Variants in USP13 observed in about 807,000 individuals in gnomAD.
USP13 encodes the protein ubiquitin specific peptidase 13, also known as ubiquitin carboxyl-terminal hydrolase 13.
Under a neutral mutation model 107.8 loss-of-function variants are expected in USP13, and 68 were observed. That is an observed-to-expected ratio of 0.63 (90% CI 0.52 to 0.77). USP13 has a LOEUF of 0.77. Among genes scored for constraint, USP13 ranks in the 30% least tolerant of loss-of-function variants. The probability of loss-of-function intolerance (pLI) is 0.00; values close to 1 mark genes in which losing one functional copy is unlikely to be tolerated. For missense variants in USP13, 945 were observed against 1,093.3 expected, an observed-to-expected ratio of 0.86 and a Z score of 1.91; for synonymous variants, 377 against 389.5, an observed-to-expected ratio of 0.97 and a Z score of 0.38.
rs755134477 is a variant in USP13, at chr3:179,690,254, C to T, written c.308C>T (p.Ala103Val). The T allele has an allele frequency of 1.1e-5, 18 of 1,613,436 alleles. No individual in the cohort carries two copies. Among genetic ancestry groups the T allele is most frequent in the Non-Finnish European group, 1.4e-5 (17 of 1,179,698 alleles). The change falls in exon 3 of 21, where the codon GCG (alanine) becomes GTG (valine). Residue 103 changes from alanine (A) to valine (V), a missense_variant. Physicochemically the swap from Ala to Val is moderately conservative, Grantham distance 64. Coordinates refer to ENST00000263966, the MANE Select transcript of USP13 (RefSeq NM_003940.3). ...TTTTCTTTTCAGAAGGTAAGAGGGG[C>T]GTCTGGTGGAGCGTTACCAAAAAGG... ...KRHVREKVRG[A>V]SGGALPKRRN...
At chr3:179,776,970 A>C (rs1453059754) in intron 19 of USP13, among the ~76,000 whole-genome samples, 1 of 151,346 alleles carries the variant, frequency 6.6e-6, no homozygotes, top group African/African-American at 2.4e-5. Context: ...TTGGAGACAA[A>C]TATAAATTGA....
At position 179,784,237 on chromosome 3, in the gene USP13, A is replaced by T. The variant is rs879534950; in HGVS notation, c.*96A>T. On this transcript the variant is annotated 3_prime_UTR_variant, in exon 21 of 21. Coordinates refer to ENST00000263966, the MANE Select transcript of USP13 (RefSeq NM_003940.3). ...AAGAAGTTGAAACAACTAGACATGA[A>T]GGAATATATGGGGTATTTATCGTTT... is the stretch of plus-strand genomic sequence containing the variant. 12 of 945,100 alleles carry T rather than the reference A, an allele frequency of 1.3e-5. No individual in the cohort carries two copies. Among genetic ancestry groups the T allele is most frequent in the Non-Finnish European group, 2.0e-5 (12 of 611,514 alleles). 58.5% of individuals were successfully genotyped at this position (945,100 alleles called of 1,614,324 possible).
At chr3:179,780,819 T>G (rs1715720207) in intron 19 of USP13, among the ~76,000 whole-genome samples, 1 of 152,182 alleles carries the variant, frequency 6.6e-6, no homozygotes, top group African/African-American at 2.4e-5. Flanking sequence ...GAACCAATAC[T>G]TCTTTTGGAA....
rs1377713104 is a variant in USP13 at position 179,717,607 on chromosome 3, A to C, written c.806-2333A>C. On this transcript the variant is annotated intron_variant, in intron 6 of 20. Transcript: ENST00000263966. ...TGATCATTAGAGGCTTAAAGTCTTAAGTCTTCAAACTATCTCCCTAATTAA... is the reference window on the plus strand; with the variant it reads ...TGATCATTAGAGGCTTAAAGTCTTACGTCTTCAAACTATCTCCCTAATTAA... Among the ~76,000 whole-genome samples the C allele has an allele frequency of 4.6e-5, 7 of 152,314 alleles. No homozygotes were observed. The East Asian group carries it at 1.2e-3, about 25-fold the overall frequency.
chr3:179,757,116 T>C (rs1382686525), intron 16 of USP13, 38 bp downstream of exon 16: 26 of 1,602,742 alleles, frequency 1.6e-5, no homozygotes, highest in Non-Finnish European at 2.2e-5. Context: ...TGTCCTACTG[T>C]TGTTATTAAT....
intron 1 of USP13, among the ~76,000 whole-genome samples, chr3:179,680,638 G>T (rs1016982492): frequency 1.3e-5 from 2 of 152,006 alleles, no homozygotes; most frequent in Non-Finnish European, 2.9e-5. Flanking sequence ...CACCTCCCAG[G>T]TTCAAGCGAT....
chr3:179,708,379 C>T (rs1414734109), intron 5 of USP13, among the ~76,000 whole-genome samples: 11 of 151,924 alleles, frequency 7.2e-5, no homozygotes, highest in African/African-American at 1.9e-4. Context: ...CAATCTCGGC[C>T]CACTGCAACC....
At chr3:179,781,991 G>C (rs563368717) in intron 20 of USP13, among the ~76,000 whole-genome samples, 168 bp downstream of exon 20, 1 of 151,968 alleles carries the variant, frequency 6.6e-6, no homozygotes, top group Admixed American at 6.5e-5. Flanking sequence ...GAGACTCAGG[G>C]AGGCTGAATA....
chr3:179,656,667 G>T lies in USP13; in HGVS notation c.168+3274G>T, dbSNP rs565113187. ...GCAAGGTCTGTAATGCACCTTCCCA[G>T]TGGAGCTTCTTTTCAAGACTGAATT... On this transcript the variant is annotated intron_variant, in intron 1 of 20. Coordinates refer to ENST00000263966, the MANE Select transcript of USP13 (RefSeq NM_003940.3). Among the ~76,000 whole-genome samples, 3 of 152,322 alleles carry T rather than the reference G, an allele frequency of 2.0e-5. No homozygotes were observed. The South Asian group carries it at 6.2e-4, about 32-fold the overall frequency.
intron 3 of USP13, among the ~76,000 whole-genome samples, chr3:179,694,977 A>G (rs1712242342): frequency 6.6e-6 from 1 of 152,082 alleles, no homozygotes; most frequent in South Asian, 2.1e-4. Flanking sequence ...TGCACAGGAG[A>G]CTGGAAAATA....
At chr3:179,687,442 C>T (rs574726949) in intron 2 of USP13, among the ~76,000 whole-genome samples, 2 of 151,752 alleles carry the variant, frequency 1.3e-5, no homozygotes, top group African/African-American at 2.4e-5. Flanking sequence ...GGTGGATCAC[C>T]TGAGGTCGGG....
chr3:179,688,099 G>GTCCATCCA (rs763601246), intron 2 of USP13, among the ~76,000 whole-genome samples: 3,877 of 140,556 alleles, frequency 0.028, 120 homozygotes, highest in Middle Eastern at 0.076. Flanking sequence ...CCATCCATCC[G>GTCCATCCA]TCCATCCATC....
intron 8 of USP13, among the ~76,000 whole-genome samples, chr3:179,728,114 G>A (rs1713621143): frequency 3.6e-5 from 4 of 110,850 alleles, no homozygotes; most frequent in Admixed American, 9.3e-5. Context: ...AGCTGGCCGG[G>A]CAGAGGGGCT....
intron 7 of USP13, 35 bp downstream of exon 7, chr3:179,720,069 A>G (rs1182264051): frequency 3.8e-6 from 6 of 1,568,742 alleles, no homozygotes; most frequent in African/African-American, 2.7e-5. Flanking sequence ...TCCATCTTGC[A>G]TGGGGTAGGG....
intron 6 of USP13, among the ~76,000 whole-genome samples, chr3:179,711,861 A>C (rs949998940): frequency 2.6e-5 from 4 of 152,242 alleles, no homozygotes; most frequent in African/African-American, 9.6e-5. Flanking sequence ...TAACATAGTC[A>C]TTTATTATTA....
intron 13 of USP13, 37 bp downstream of exon 13, chr3:179,745,254 A>C: frequency 4.8e-5 from 44 of 912,370 alleles, no homozygotes; most frequent in Non-Finnish European, 5.0e-5. Flanking sequence ...TGGGGTGAGG[A>C]GGGGCCTTGA....
Position 179,730,213 on chromosome 3 carries a change from A to G in USP13, c.1113A>G (p.Ile371Met), listed in dbSNP as rs1421790429. Residue 371 changes from isoleucine to methionine, a missense_variant, in exon 9 of 21, where the codon ATA becomes ATG. Ile to Met is a conservative substitution (Grantham distance 10). Transcript: ENST00000263966. Reference protein sequence around the residue: ...QRAYVGNLPRIFDYSPLDPTQ... With the variant: ...QRAYVGNLPRMFDYSPLDPTQ... ...GGTATGTAGGAAACCTTCCCAGAAT[A>G]TTTGACTACTCGCCTTTAGATCCAA... is the stretch of plus-strand genomic sequence containing the variant. The G allele has an allele frequency of 6.2e-7, 1 of 1,613,500 alleles. No homozygotes were observed. Among genetic ancestry groups the G allele is most frequent in the East Asian group, 2.2e-5 (1 of 44,854 alleles).
intron 14 of USP13, among the ~76,000 whole-genome samples, chr3:179,752,588 CA>C (rs1468482169): frequency 1.3e-5 from 2 of 152,204 alleles, no homozygotes; most frequent in Admixed American, 6.5e-5. Context: ...CTGGAATGAC[CA>C]AATTCTAAGA....
At chr3:179,656,642 G>A (rs934296367) in intron 1 of USP13, among the ~76,000 whole-genome samples, 1 of 152,130 alleles carries the variant, frequency 6.6e-6, no homozygotes, top group African/African-American at 2.4e-5. Flanking sequence ...GGTTCATTGT[G>A]CAAGGTCTGT....
Sources: gnomAD v4.1 joint callset for allele counts (sites outside exome capture counted in the v4.1 genomes callset) on GRCh38, gnomAD v4.1.1 for gene constraint, MANE v1.5 for transcripts, NCBI Gene and HGNC (gene_info 2026-07-23, HGNC 2026-07-21) for gene names.